RASSF4: variants seen among roughly 807,000 people sequenced by gnomAD.
RASSF4 encodes ras association domain-containing protein 4.
RASSF4 carries 38 observed loss-of-function variants against 41.1 expected under a neutral mutation model. That is an observed-to-expected ratio of 0.92 (90% confidence interval 0.71 to 1.21). The LOEUF is 1.21. Among genes scored for constraint, RASSF4 ranks in the 50% most tolerant of loss-of-function variants. The pLI is 0.00. For synonymous variants in RASSF4, 179 were observed against 163.4 expected, an observed-to-expected ratio of 1.10 and a Z score of -0.73; for missense variants, 414 against 419.4, an observed-to-expected ratio of 0.99 and a Z score of 0.11.
intron 8 of RASSF4, among the ~76,000 whole-genome samples, chr10:44,989,983 A>G (rs548689488): frequency 7.2e-5 from 11 of 152,382 alleles, no homozygotes; most frequent in African/African-American, 2.4e-4. Context: ...TGGATTTTCT[A>G]GGTCGCTCAG....
intron 1 of RASSF4, among the ~76,000 whole-genome samples, chr10:44,966,601 A>C (rs1328537092): frequency 7.2e-5 from 11 of 152,214 alleles, no homozygotes; most frequent in Non-Finnish European, 1.2e-4. Flanking sequence ...GATTCCTGGA[A>C]AAAGGTGGAA....
At chr10:44,964,804 A>G (rs1485636472) in intron 1 of RASSF4, among the ~76,000 whole-genome samples, 1 of 152,328 alleles carries the variant, frequency 6.6e-6, no homozygotes, top group African/African-American at 2.4e-5. Context: ...TGCTGCTGCC[A>G]CAGCTGTCTT....
At position 44,993,325 on chromosome 10, in the gene RASSF4, A is replaced by C. The variant is rs772609408; in HGVS notation, c.962A>C (p.Lys321Thr). ...CGCCTGGAGCAGCTGGTGGAGGCCA[A>C]GTAACTGGCCAACACCTGCCTCTTC... ...LQRLEQLVEA[K>T] The change falls in exon 11 of 11, where the codon AAG (lysine) becomes ACG (threonine). Residue 321 changes from lysine (K) to threonine (T), a missense_variant. Physicochemically the swap from Lys to Thr is moderately conservative, Grantham distance 78. Coordinates refer to ENST00000340258, the MANE Select transcript of RASSF4 (RefSeq NM_032023.4). 1.9e-6 allele frequency: 3 copies of C among 1,603,252 alleles called. No individual in the cohort carries two copies. The highest frequency in any genetic ancestry group is 2.5e-6 in the Non-Finnish European group (3 of 1,178,698).
intron 9 of RASSF4, among the ~76,000 whole-genome samples, chr10:44,991,691 C>T (rs1331958918): frequency 6.6e-6 from 1 of 152,214 alleles, no homozygotes; most frequent in Non-Finnish European, 1.5e-5. Context: ...AATATTTCCT[C>T]CCAGGGATAA....
intron 1 of RASSF4, among the ~76,000 whole-genome samples, chr10:44,966,707 G>T (rs1245366992): frequency 1.3e-5 from 2 of 152,220 alleles, no homozygotes; most frequent in African/African-American, 4.8e-5. Flanking sequence ...GCATCTCAGA[G>T]AGTTGCCTGG....
chr10:44,964,430 G>A (rs1178198249), intron 1 of RASSF4, among the ~76,000 whole-genome samples: 5 of 152,210 alleles, frequency 3.3e-5, no homozygotes, highest in East Asian at 1.9e-4. Flanking sequence ...AGAATGGCAC[G>A]GCTTGGAGGA....
chr10:44,995,650 G>A lies in RASSF4; in HGVS notation c.*2321G>A, dbSNP rs1179780958. ...AGGTACACTTCTGCAATCAGCTGAG[G>A]AGTTCACACCTTTTTTTCTAAATCA... is the stretch of plus-strand genomic sequence containing the variant. On this transcript the variant is annotated 3_prime_UTR_variant, in exon 11 of 11. Transcript: ENST00000340258. 3.3e-5 allele frequency: 5 copies of A among 152,194 alleles called. No homozygotes were observed. The highest frequency in any genetic ancestry group is 2.1e-4 in the South Asian group (1 of 4,822). 9.4% of individuals were successfully genotyped at this position (152,194 alleles called of 1,614,324 possible).
At chr10:44,985,060 G>A in intron 6 of RASSF4, 90 bp downstream of exon 6, 1 of 1,430,372 alleles carries the variant, frequency 7.0e-7, no homozygotes, top group Non-Finnish European at 9.5e-7. Flanking sequence ...TGTGGGGGCT[G>A]CTGGCATTCC....
chr10:44,964,373 T>G (rs1213655843), intron 1 of RASSF4, among the ~76,000 whole-genome samples: 1 of 152,178 alleles, frequency 6.6e-6, no homozygotes, highest in East Asian at 1.9e-4. Flanking sequence ...TCCTGGGACC[T>G]GGGGGAGGGG....
intron 3 of RASSF4, chr10:44,982,002 G>A (rs973186000): frequency 1.2e-5 from 2 of 167,354 alleles, no homozygotes; most frequent in East Asian, 3.8e-4. Context: ...CCTGGCAAGT[G>A]GACGCTGCTG....
Position 44,960,587 on chromosome 10 carries a change from C to G in RASSF4, c.-39+721C>G, listed in dbSNP as rs534893741. ...CATCCTGCACTTCCCACTTCCAAAA[C>G]ATGCCTCAGTGTTTTCATTAACCTG... On this transcript the variant is annotated intron_variant, in intron 1 of 10. Coordinates refer to ENST00000340258, the MANE Select transcript of RASSF4 (RefSeq NM_032023.4). Among the ~76,000 whole-genome samples, 4 of 152,334 alleles carry G rather than the reference C, an allele frequency of 2.6e-5. No homozygotes were observed. In the East Asian group the frequency reaches 7.7e-4, roughly 29 times the overall value.
At chr10:44,971,231 G>A (rs549028284) in intron 2 of RASSF4, 14 of 333,760 alleles carry the variant, frequency 4.2e-5, no homozygotes, top group Admixed American at 1.7e-4. Flanking sequence ...GGGAGACAGC[G>A]TTGAGGGAAA....
intron 10 of RASSF4, 34 bp from the exon 11 acceptor site, chr10:44,993,235 C>A: frequency 6.2e-7 from 1 of 1,603,626 alleles, no homozygotes; most frequent in Non-Finnish European, 8.5e-7. Context: ...CCTGTCTGGC[C>A]TCAGTGAGTC....
chr10:44,983,771 G>A (rs929044868), intron 4 of RASSF4: 4 of 548,950 alleles, frequency 7.3e-6, no homozygotes, highest in Admixed American at 3.2e-5. Flanking sequence ...GTGTCTGTGC[G>A]ATGCAGCCCA....
rs1841771556 is a variant in RASSF4 at position 44,982,802 on chromosome 10, G to C, written c.281+139G>C. 3.2e-6 allele frequency: 3 copies of C among 939,504 alleles called. No individual in the cohort carries two copies. The African/African-American group carries it at 5.0e-5, about 16-fold the overall frequency. 58.2% of individuals were successfully genotyped at this position (939,504 alleles called of 1,614,324 possible). On this transcript the variant is annotated intron_variant, in intron 4 of 10. Coordinates refer to ENST00000340258, the MANE Select transcript of RASSF4 (RefSeq NM_032023.4). Reference sequence around the variant, plus strand: ...TGACCCAGCCTCATCCCCATGCCCTGTGACTGCCTCAGTCCACAGCCTCGC... The same window carrying C: ...TGACCCAGCCTCATCCCCATGCCCTCTGACTGCCTCAGTCCACAGCCTCGC...
intron 1 of RASSF4, among the ~76,000 whole-genome samples, chr10:44,967,015 A>G (rs1840926359): frequency 6.6e-6 from 1 of 152,202 alleles, no homozygotes; most frequent in African/African-American, 2.4e-5. Flanking sequence ...ATATTACATT[A>G]AATATTTGTT....
chr10:44,966,355 T>C (rs184640393), intron 1 of RASSF4, among the ~76,000 whole-genome samples: 131 of 152,288 alleles, frequency 8.6e-4, no homozygotes, highest in African/African-American at 2.5e-3. Context: ...AATCATGCCG[T>C]GTCGTGAATC....
intron 1 of RASSF4, among the ~76,000 whole-genome samples, chr10:44,961,655 A>G (rs1840715970): frequency 6.6e-6 from 1 of 152,264 alleles, no homozygotes; most frequent in Non-Finnish European, 1.5e-5. Flanking sequence ...GGGTGAGCCC[A>G]ACACAAGGCC....
Position 44,971,851 on chromosome 10 carries a change from G to T in RASSF4, c.138+3G>T. The T allele has an allele frequency of 1.2e-6, 2 of 1,606,970 alleles. No homozygotes were observed. Among genetic ancestry groups the T allele is most frequent in the Non-Finnish European group, 1.7e-6 (2 of 1,174,564 alleles). The stretch of plus-strand genomic sequence containing the variant: ...GCTTCCAGCTGAGACACCGTGAGGT[G>T]AGCCTGTTGCTCTTGTTCATGGGGT... On this transcript the variant is annotated splice_donor_region_variant and intron_variant, in intron 3 of 10. Coordinates refer to ENST00000340258, the MANE Select transcript of RASSF4 (RefSeq NM_032023.4).
Sources: allele counts gnomAD v4.1 joint callset (sites outside exome capture counted in the v4.1 genomes callset), GRCh38; gene constraint gnomAD v4.1.1; transcripts MANE v1.5; gene names NCBI Gene and HGNC (gene_info 2026-07-23, HGNC 2026-07-21).